The following HECTD4 variants were observed in gnomAD, a reference collection of about 807,000 sequenced individuals.
HECTD4 encodes HECT domain E3 ubiquitin protein ligase 4.
HECTD4 carries 114 observed loss-of-function variants against 471.5 expected under a neutral mutation model. The ratio of observed to expected loss-of-function variants is 0.24; its 90% CI spans 0.21 to 0.28. The LOEUF (loss-of-function observed/expected upper bound fraction) is 0.28. HECTD4 is among the 10% of genes least tolerant of loss of function. HECTD4 has a pLI of 1.00. For synonymous variants in HECTD4, 2,012 were observed against 2,256.0 expected (o/e 0.89, Z 3.07); for missense variants, 3,866 against 5,651.5 (o/e 0.68, Z 10.13).
chr12:112,324,732 A>T (rs1253120304), intron 1 of HECTD4, among the ~76,000 whole-genome samples: 1 of 152,176 alleles, frequency 6.6e-6, no homozygotes, highest in African/African-American at 2.4e-5. Context: ...ACAATCAATA[A>T]AGATTACTGA....
intron 1 of HECTD4, among the ~76,000 whole-genome samples, chr12:112,369,342 T>C: frequency 7.8e-6 from 1 of 127,730 alleles, no homozygotes; most frequent in East Asian, 2.0e-4. Context: ...TAGGATTTCT[T>C]TTTTTTTTTT....
At chr12:112,336,809 GGGTA>G in intron 1 of HECTD4, among the ~76,000 whole-genome samples, 1 of 152,206 alleles carries the variant, frequency 6.6e-6, no homozygotes, top group East Asian at 1.9e-4. Context: ...ACTTGCTGAT[GGGTA>G]CATAAGGGTT....
At position 112,228,224 on chromosome 12, in the gene HECTD4, T is replaced by C. The variant is rs770508956; in HGVS notation, c.6719A>G (p.Lys2240Arg). The change falls in exon 43 of 76, where the codon AAG becomes AGG. Residue 2240 changes from lysine to arginine, a missense_variant. Coordinates refer to ENST00000682272, the MANE Select transcript of HECTD4 (RefSeq NM_001388303.1). The surrounding 1 kb of genome is among the most constrained non-coding windows in gnomAD (Gnocchi z 4.9). ...CATGGACTGGACTGCCTGTACTACC[T>C]TCTCAGTAATGGACAGTTTATGAAG... Reference protein sequence around the residue: ...LPLHKLSITEKVVQAVQSMLL... With the variant: ...LPLHKLSITERVVQAVQSMLL... 1.2e-6 allele frequency: 2 copies of C among 1,612,590 alleles called. No individual in the cohort carries two copies. The highest frequency in any genetic ancestry group is 1.7e-6 in the Non-Finnish European group (2 of 1,179,400).
rs913895099 is a variant in HECTD4, at chr12:112,163,361, C to T, written c.12898-97G>A. 6 of 1,203,518 alleles carry T rather than the reference C, an allele frequency of 5.0e-6. No individual in the cohort carries two copies. Among genetic ancestry groups the T allele is most frequent in the Non-Finnish European group, 7.0e-6 (6 of 858,334 alleles). 74.6% of individuals were successfully genotyped at this position (1,203,518 alleles called of 1,614,324 possible). ...CTGCAGGCCAGGCCCAATCCTGGGG[C>T]AGGGTGCAACGTGTGGGCTGTGAGC... On this transcript the variant is annotated intron_variant, in intron 74 of 75. Coordinates refer to ENST00000682272, the MANE Select transcript of HECTD4 (RefSeq NM_001388303.1). This position sits in a 1 kb window ranked among gnomAD's most constrained non-coding sequence, Gnocchi z 8.2.
chr12:112,369,929 T>C (rs1321303458), intron 1 of HECTD4, among the ~76,000 whole-genome samples: 2 of 152,194 alleles, frequency 1.3e-5, no homozygotes, highest in Non-Finnish European at 2.9e-5. Context: ...AACTGAATAA[T>C]GGCGTCCACC....
At chr12:112,355,683 G>A (rs1010477782) in intron 1 of HECTD4, among the ~76,000 whole-genome samples, 9 of 151,974 alleles carry the variant, frequency 5.9e-5, no homozygotes, top group African/African-American at 1.7e-4. Context: ...AGAATCGCTT[G>A]AGCCCGGGAG....
Position 112,195,020 on chromosome 12 carries a change from T to C in HECTD4, c.8614A>G (p.Met2872Val). Residue 2872 changes from methionine to valine, a missense_variant, in exon 56 of 76, where the codon ATG becomes GTG. Physicochemically the swap from Met to Val is conservative, Grantham distance 21. Around this residue, in one of 16 missense-constraint regions of HECTD4, gnomAD observed 266 missense variants for 441.6 expected, o/e 0.60. Transcript: ENST00000682272. Reference sequence around the variant, plus strand: ...GGGGCGAAGATATTGAGCAGGGCCATGCGGCAGTACAGCCTGGCCAGCGCA... The same window carrying C: ...GGGGCGAAGATATTGAGCAGGGCCACGCGGCAGTACAGCCTGGCCAGCGCA... ...EAALARLYCR[M>V]ALLNIFAPKL... The C allele has an allele frequency of 6.2e-7, 1 of 1,610,110 alleles. No individual in the cohort carries two copies. Among genetic ancestry groups the C allele is most frequent in the Non-Finnish European group, 8.5e-7 (1 of 1,178,370 alleles).
intron 55 of HECTD4, among the ~76,000 whole-genome samples, chr12:112,197,081 C>T (rs1352723145): frequency 6.6e-6 from 1 of 151,796 alleles, no homozygotes; most frequent in Non-Finnish European, 1.5e-5. Context: ...TAGGCGTGAC[C>T]CACTGTGCCC....
Position 112,240,006 on chromosome 12 carries a change from A to G in HECTD4, c.4980T>C (p.Gly1660=), listed in dbSNP as rs2033601244. The G allele has an allele frequency of 3.1e-6, 5 of 1,613,930 alleles. No individual in the cohort carries two copies. The East Asian group carries it at 1.1e-4, about 36-fold the overall frequency. The change falls in exon 33 of 76, where the codon GGT becomes GGC. Residue 1660 remains glycine, a synonymous_variant. Transcript: ENST00000682272. The part of the protein sequence containing the change: ...GGPRIEELTC[G]GMVEQVQEAF... Reference sequence around the variant, plus strand: ...CTTCCTGGACCTGCTCGACCATCCCACCACATGTGAGTTCTTCAATTCTGT... The same window carrying G: ...CTTCCTGGACCTGCTCGACCATCCCGCCACATGTGAGTTCTTCAATTCTGT...
chr12:112,229,452 T>C (rs2033320571), intron 41 of HECTD4, among the ~76,000 whole-genome samples: 1 of 152,236 alleles, frequency 6.6e-6, no homozygotes, highest in African/African-American at 2.4e-5. Context: ...CTAAGACTGA[T>C]ACTGATCACA....
At chr12:112,263,388 G>C (rs950745948) in intron 17 of HECTD4, among the ~76,000 whole-genome samples, 43 of 152,228 alleles carry the variant, frequency 2.8e-4, no homozygotes, top group African/African-American at 9.4e-4. Context: ...AGTTCTTGTA[G>C]ATTTCTCTGA....
intron 23 of HECTD4, 124 bp downstream of exon 23, chr12:112,252,300 C>T: frequency 1.0e-6 from 1 of 993,022 alleles, no homozygotes; most frequent in Non-Finnish European, 1.4e-6. Flanking sequence ...CTAGTGCCAA[C>T]TAGAAGAGAA....
At chr12:112,369,611 C>T (rs1594081624) in intron 1 of HECTD4, among the ~76,000 whole-genome samples, 1 of 152,200 alleles carries the variant, frequency 6.6e-6, no homozygotes, top group South Asian at 2.1e-4. Flanking sequence ...TTCCAAAATG[C>T]TGGGATTACA....
chr12:112,222,831 C>T (rs967224628), intron 44 of HECTD4, among the ~76,000 whole-genome samples: 1 of 152,094 alleles, frequency 6.6e-6, no homozygotes, highest in Non-Finnish European at 1.5e-5. Context: ...GAAACCCTGT[C>T]TCAAAAAACA....
chr12:112,359,209 G>C (rs1164615874), intron 1 of HECTD4, among the ~76,000 whole-genome samples: 1 of 150,500 alleles, frequency 6.6e-6, no homozygotes, highest in Non-Finnish European at 1.5e-5. Flanking sequence ...CTGCCACTCA[G>C]GTGTGGACCT....
intron 8 of HECTD4, among the ~76,000 whole-genome samples, chr12:112,280,418 CT>C (rs1447653281): frequency 2.0e-5 from 3 of 152,072 alleles, no homozygotes; most frequent in Non-Finnish European, 2.9e-5. Flanking sequence ...AACTGGAGTG[CT>C]TTACTTAGAA....
In HECTD4 at chr12:112,184,133, G is replaced by A. The variant is rs2031771978; in HGVS notation, c.10779+54C>T. Reference sequence around the variant, plus strand: ...AACTTTGGAAGATTTAAAGAGGCTTGGGGGATTGAAATGGGTCATGATTTA... The same window carrying A: ...AACTTTGGAAGATTTAAAGAGGCTTAGGGGATTGAAATGGGTCATGATTTA... On this transcript the variant is annotated intron_variant, in intron 61 of 75. Coordinates refer to ENST00000682272, the MANE Select transcript of HECTD4 (RefSeq NM_001388303.1). This position sits in a 1 kb window ranked among gnomAD's most constrained non-coding sequence, Gnocchi z 9.1. 1.4e-6 allele frequency: 2 copies of A among 1,462,882 alleles called. No individual in the cohort carries two copies. The highest frequency in any genetic ancestry group is 3.8e-5 in the Admixed American group (2 of 52,990). 90.6% of individuals were successfully genotyped at this position (1,462,882 alleles called of 1,614,324 possible).
chr12:112,320,893 G>A (rs1056820336), intron 1 of HECTD4, among the ~76,000 whole-genome samples: 3 of 151,760 alleles, frequency 2.0e-5, no homozygotes, highest in Non-Finnish European at 2.9e-5. Context: ...TCTTGCCCAG[G>A]CTGGAGTGCA....
chr12:112,329,999 G>A (rs573096453), intron 1 of HECTD4, among the ~76,000 whole-genome samples: 4 of 151,726 alleles, frequency 2.6e-5, no homozygotes, highest in African/African-American at 4.8e-5. Context: ...AGGACTAGCC[G>A]GGCGCAGTGG....
Sources: allele counts gnomAD v4.1 joint callset (sites outside exome capture counted in the v4.1 genomes callset), GRCh38; gene constraint gnomAD v4.1.1; regional missense constraint gnomAD v4.1.1; non-coding constraint Gnocchi (gnomAD v3.1); transcripts MANE v1.5; gene names NCBI Gene and HGNC (gene_info 2026-07-23, HGNC 2026-07-21).